The following KIF1B variants were observed in gnomAD, a reference collection of about 807,000 sequenced individuals.
KIF1B encodes the protein kinesin-like protein KIF1B.
In KIF1B, 76 loss-of-function variants were observed where a neutral mutation model predicts 241.9. The ratio of observed to expected loss-of-function variants is 0.31; its 90% CI spans 0.26 to 0.38. The LOEUF is 0.38. KIF1B is among the 10% of genes least tolerant of loss of function. The pLI is 1.00. For missense variants in KIF1B, 1,622 were observed against 2,271.4 expected (o/e 0.71, Z 5.81); for synonymous variants, 750 against 796.7 (o/e 0.94, Z 0.99).
At chr1:10,343,484 G>T (rs867799033) in intron 34 of KIF1B, among the ~76,000 whole-genome samples, 197 bp downstream of exon 34, 1 of 152,102 alleles carries the variant, frequency 6.6e-6, no homozygotes, top group Non-Finnish European at 1.5e-5. Context: ...AAGGCTGGGC[G>T]CGGTGGCTCA....
intron 33 of KIF1B, among the ~76,000 whole-genome samples, chr1:10,342,476 C>T (rs1652434203): frequency 6.6e-6 from 1 of 151,020 alleles, no homozygotes; most frequent in South Asian, 2.1e-4. Context: ...TTCCTAATGC[C>T]CACAGCTTTA....
At chr1:10,285,041 A>G (rs1335833766) in intron 15 of KIF1B, among the ~76,000 whole-genome samples, 2 of 152,184 alleles carry the variant, frequency 1.3e-5, no homozygotes, top group Non-Finnish European at 2.9e-5. Context: ...AAATTTTACT[A>G]AAGACCTTAG....
At chr1:10,256,073 TG>T (rs781540018) in intron 2 of KIF1B, among the ~76,000 whole-genome samples, 173 bp from the exon 3 acceptor site, 1 of 151,838 alleles carries the variant, frequency 6.6e-6, no homozygotes, top group Non-Finnish European at 1.5e-5. Flanking sequence ...ACTCTCAAAA[TG>T]CTGAAATTAC....
chr1:10,316,570 G>A (rs568426059), intron 22 of KIF1B, among the ~76,000 whole-genome samples: 2 of 151,432 alleles, frequency 1.3e-5, no homozygotes, highest in Admixed American at 6.6e-5. Flanking sequence ...GCACGATCTC[G>A]GCTCACTGCA....
intron 22 of KIF1B, among the ~76,000 whole-genome samples, chr1:10,315,279 G>C (rs1427990592): frequency 6.8e-6 from 1 of 146,308 alleles, no homozygotes; most frequent in Non-Finnish European, 1.5e-5. Context: ...CCGGGTTGAA[G>C]TGATTCTCCC....
chr1:10,319,922 C>T, intron 22 of KIF1B, 121 bp from the exon 23 acceptor site: 2 of 695,408 alleles, frequency 2.9e-6, no homozygotes, highest in East Asian at 2.8e-5. Context: ...TTGTTTCCTG[C>T]CTTTGTCTCT....
At position 10,345,534 on chromosome 1, in the gene KIF1B, C is replaced by CT. The variant is rs1250761708; in HGVS notation, c.3689-310dup. On this transcript the variant is annotated intron_variant, in intron 34 of 48. Coordinates refer to ENST00000676179, the MANE Select transcript of KIF1B (RefSeq NM_001365951.3). ...TCCCATGCTTTACGTGTCACACAAT[C>CT]TGAGATTCTGGAATTGGAAGGTTTC... is the stretch of plus-strand genomic sequence containing the variant. 1.1e-5 allele frequency: 4 copies of CT among 361,356 alleles called. No individual in the cohort carries two copies. In the East Asian group the frequency reaches 2.7e-4, roughly 25 times the overall value. 22.4% of individuals were successfully genotyped at this position (361,356 alleles called of 1,614,324 possible).
At chr1:10,352,157 G>A (rs1476203783) in intron 37 of KIF1B, among the ~76,000 whole-genome samples, 1 of 148,242 alleles carries the variant, frequency 6.7e-6, no homozygotes, top group Admixed American at 6.7e-5. Flanking sequence ...GCTGTTAGGT[G>A]AGAGTGGAAT....
chr1:10,324,833 A>G lies in KIF1B; in HGVS notation c.2613A>G (p.Glu871=). ...CCTCCAGTGCCCAAGACGAAAGCGA[A>G]ACCACTGTGACTGGCAGCGATCCCT... ...EMASSAQDES[E]TTVTGSDPFY... The change falls in exon 26 of 49, where the codon GAA becomes GAG. Residue 871 remains glutamate, a synonymous_variant. Transcript: ENST00000676179. 6.2e-7 allele frequency: 1 copy of G among 1,614,202 alleles called. No homozygotes were observed. The highest frequency in any genetic ancestry group is 8.5e-7 in the Non-Finnish European group (1 of 1,180,030).
intron 8 of KIF1B, 47 bp from the exon 9 acceptor site, chr1:10,272,194 G>A (rs1272503352): frequency 1.9e-6 from 2 of 1,054,630 alleles, no homozygotes; most frequent in South Asian, 2.5e-5. Context: ...TGATATAGCA[G>A]TAGTAGAAAT....
At chr1:10,350,181 C>T (rs1191877671) in intron 37 of KIF1B, among the ~76,000 whole-genome samples, 3 of 151,306 alleles carry the variant, frequency 2.0e-5, no homozygotes, top group African/African-American at 7.3e-5. Context: ...CCCAGGTACT[C>T]GGAAGGCTGA....
At chr1:10,213,247 AC>A (rs1185944050) in intron 1 of KIF1B, among the ~76,000 whole-genome samples, 4 of 152,180 alleles carry the variant, frequency 2.6e-5, no homozygotes, top group African/African-American at 9.6e-5. Flanking sequence ...TGAATCTGAT[AC>A]AGAGGCTAGG....
At chr1:10,231,354 T>A (rs1355344480) in intron 1 of KIF1B, among the ~76,000 whole-genome samples, 2 of 151,338 alleles carry the variant, frequency 1.3e-5, no homozygotes. Flanking sequence ...CAAACTATAA[T>A]TAATGTATGG....
At chr1:10,281,692 T>C (rs1430825416) in intron 14 of KIF1B, among the ~76,000 whole-genome samples, 3 of 152,252 alleles carry the variant, frequency 2.0e-5, no homozygotes, top group Non-Finnish European at 2.9e-5. Flanking sequence ...CCAGGACTTA[T>C]ACAAAATTCC....
intron 29 of KIF1B, 90 bp downstream of exon 29, chr1:10,336,832 A>T: frequency 3.9e-6 from 5 of 1,289,002 alleles, no homozygotes; most frequent in Non-Finnish European, 5.6e-6. Flanking sequence ...ACTGAAAAAT[A>T]CAGGGTGCTG....
chr1:10,297,078 G>A lies in KIF1B; in HGVS notation c.2042+1G>A. The A allele has an allele frequency of 6.2e-7, 1 of 1,613,828 alleles. No homozygotes were observed. Reference sequence around the variant, plus strand: ...ATATGAAACAAGAGATGGAGAAAAGGTAATGCACAGTTACGCAGCCCATAT... The same window carrying A: ...ATATGAAACAAGAGATGGAGAAAAGATAATGCACAGTTACGCAGCCCATAT... On this transcript the variant is annotated splice_donor_variant, in intron 21 of 48. Transcript: ENST00000676179. LOFTEE classifies it high-confidence loss of function.
intron 10 of KIF1B, chr1:10,274,987 A>C (rs1255267834): frequency 2.9e-6 from 1 of 343,000 alleles, no homozygotes; most frequent in African/African-American, 2.2e-5. Context: ...AATTTTTTGA[A>C]TTTGGTCATT....
At position 10,220,397 on chromosome 1, in the gene KIF1B, TGATAGATAGATA is replaced by T. The variant is rs5772398; in HGVS notation, c.-80+9552_-80+9563del. On this transcript the variant is annotated intron_variant, in intron 1 of 48. Coordinates refer to ENST00000676179, the MANE Select transcript of KIF1B (RefSeq NM_001365951.3). ...ATAGATAGATAGATAGATAGATAGA[TGATAGATAGATA>T]GATAGATAGATAGATAGATAGATAG... is the stretch of plus-strand genomic sequence containing the variant. Among the ~76,000 whole-genome samples, 305 of 144,276 alleles carry T rather than the reference TGATAGATAGATA, an allele frequency of 2.1e-3. 4 individuals carry two copies. The South Asian group carries it at 0.03, about 14-fold the overall frequency. The allele number at this position is 144,276 out of a possible 152,430, so 94.7% of individuals were successfully genotyped here. A position where few individuals can be genotyped will look rare whatever the true frequency, so the allele number is the denominator to read the frequency against.
intron 14 of KIF1B, among the ~76,000 whole-genome samples, 175 bp from the exon 15 acceptor site, chr1:10,282,147 T>TCA (rs1649435333): frequency 6.6e-6 from 1 of 152,190 alleles, no homozygotes; most frequent in Non-Finnish European, 1.5e-5. Flanking sequence ...GACAGACATG[T>TCA]TTTAGAACTG....
Sources: allele counts gnomAD v4.1 joint callset (sites outside exome capture counted in the v4.1 genomes callset), GRCh38; gene constraint gnomAD v4.1.1; transcripts MANE v1.5; gene names NCBI Gene and HGNC (gene_info 2026-07-23, HGNC 2026-07-21).